JAK1: variants seen among roughly 807,000 people sequenced by gnomAD.
JAK1 encodes Janus kinase 1.
A neutral mutation model predicts 136.6 loss-of-function variants in JAK1; 16 were observed. The ratio of observed to expected loss-of-function variants is 0.12; its 90% CI spans 0.08 to 0.18. The LOEUF (loss-of-function observed/expected upper bound fraction) is 0.18. Among genes scored for constraint, JAK1 ranks in the 10% least tolerant of loss-of-function variants. JAK1 has a pLI of 1.00. For synonymous variants in JAK1, 492 were observed against 519.5 expected (o/e 0.95, Z 0.72); for missense variants, 859 against 1,450.1 (o/e 0.59, Z 6.62).
At chr1:65,030,427 T>C (rs1647012535) in intron 2 of JAK1, among the ~76,000 whole-genome samples, 1 of 152,120 alleles carries the variant, frequency 6.6e-6, no homozygotes, top group Non-Finnish European at 1.5e-5. Context: ...AAAAAGCCAA[T>C]TAATAAATGG....
intron 4 of JAK1, among the ~76,000 whole-genome samples, chr1:64,878,564 T>C (rs1644714878): frequency 3.3e-4 from 2 of 6,118 alleles, no homozygotes; most frequent in Non-Finnish European, 3.2e-4. Context: ...ATAGTGTGTA[T>C]ATATATATAT....
At chr1:65,020,333 G>A (rs1646928220) in intron 2 of JAK1, among the ~76,000 whole-genome samples, 1 of 150,862 alleles carries the variant, frequency 6.6e-6, no homozygotes, top group Non-Finnish European at 1.5e-5. Context: ...AACAGCCTAT[G>A]AGAACTCTCA....
chr1:64,929,703 C>T (rs1030912047), intron 1 of JAK1, among the ~76,000 whole-genome samples: 1 of 151,930 alleles, frequency 6.6e-6, no homozygotes, highest in East Asian at 1.9e-4. Context: ...GTTATGATAC[C>T]TACAAGTCTG....
At chr1:65,010,270 C>G (rs1356585565) in intron 2 of JAK1, among the ~76,000 whole-genome samples, 1 of 152,156 alleles carries the variant, frequency 6.6e-6, no homozygotes, top group Non-Finnish European at 1.5e-5. Context: ...CTGTGGCTTC[C>G]TGTTCTCTCT....
intron 5 of JAK1, among the ~76,000 whole-genome samples, 169 bp downstream of exon 5, chr1:64,873,201 T>G (rs1657179632): frequency 6.6e-6 from 1 of 152,242 alleles, no homozygotes; most frequent in Non-Finnish European, 1.5e-5. Context: ...GCTGAAATGC[T>G]GCCTTTTTTC....
At chr1:64,974,883 T>TTTTG (rs752493060) in intron 2 of JAK1, among the ~76,000 whole-genome samples, 1 of 151,914 alleles carries the variant, frequency 6.6e-6, no homozygotes, top group Non-Finnish European at 1.5e-5. Context: ...TTTGTTTTGT[T>TTTTG]TTTGTTTGTT....
intron 1 of JAK1, among the ~76,000 whole-genome samples, chr1:64,953,205 G>A (rs1429425648): frequency 1.3e-5 from 2 of 152,198 alleles, no homozygotes; most frequent in African/African-American, 4.8e-5. Flanking sequence ...AGTATTTGGG[G>A]TAGCAGTGGG....
chr1:64,927,403 A>G (rs888626088), intron 1 of JAK1, among the ~76,000 whole-genome samples: 1 of 152,212 alleles, frequency 6.6e-6, no homozygotes, highest in African/African-American at 2.4e-5. Flanking sequence ...GCCAAGGGAA[A>G]TGCTCAATAA....
rs781493829 is a variant in JAK1 at position 64,866,932 on chromosome 1, T to C, written c.924A>G (p.Gly308=). 7.6e-5 allele frequency: 123 copies of C among 1,614,124 alleles called. No individual in the cohort carries two copies. The highest frequency in any genetic ancestry group is 1.0e-4 in the Non-Finnish European group (121 of 1,180,050). Residue 308 remains glycine (G), a synonymous_variant, in exon 7 of 25, where the codon GGA becomes GGG. Transcript: ENST00000342505. The part of the protein sequence containing the change: ...EMNWFHSNDG[G]NVLYYEVMVT... ...CCATCACTTCGTAGTAGAGAACGTTTCCACCGTCATTCGAATGAAACCAAT... is the reference window on the plus strand; with the variant it reads ...CCATCACTTCGTAGTAGAGAACGTTCCCACCGTCATTCGAATGAAACCAAT...
chr1:64,961,362 A>T (rs1646279814), intron 1 of JAK1, among the ~76,000 whole-genome samples: 1 of 152,198 alleles, frequency 6.6e-6, no homozygotes, highest in African/African-American at 2.4e-5. Flanking sequence ...CACAATGGTC[A>T]GATGAAGCTC....
intron 1 of JAK1, among the ~76,000 whole-genome samples, chr1:64,953,487 A>C (rs905622076): frequency 6.6e-6 from 1 of 152,152 alleles, no homozygotes; most frequent in Non-Finnish European, 1.5e-5. Context: ...TAAACACAGG[A>C]CGTGTTATAT....
intron 4 of JAK1, among the ~76,000 whole-genome samples, chr1:64,877,115 A>G (rs1333980142): frequency 6.6e-6 from 1 of 152,238 alleles, no homozygotes; most frequent in Non-Finnish European, 1.5e-5. Flanking sequence ...GAGATACCTG[A>G]GGATAACTAT....
At chr1:64,870,104 C>A (rs1449896004) in intron 5 of JAK1, among the ~76,000 whole-genome samples, 1 of 152,222 alleles carries the variant, frequency 6.6e-6, no homozygotes, top group Non-Finnish European at 1.5e-5. Context: ...ACCAGCAGTG[C>A]CCAGCCCAGC....
intron 2 of JAK1, among the ~76,000 whole-genome samples, chr1:64,996,114 T>C (rs1646701799): frequency 6.6e-6 from 1 of 152,168 alleles, no homozygotes; most frequent in Admixed American, 6.5e-5. Context: ...TCACAAAACA[T>C]AATGCTTGGT....
intron 4 of JAK1, among the ~76,000 whole-genome samples, chr1:64,877,047 T>C (rs1419547825): frequency 6.6e-6 from 1 of 152,214 alleles, no homozygotes; most frequent in Admixed American, 6.5e-5. Flanking sequence ...TGCTAAGATA[T>C]ATATATAAGA....
intron 2 of JAK1, among the ~76,000 whole-genome samples, chr1:65,018,493 C>CACACACACAA (rs1553181618): frequency 2.1e-5 from 3 of 146,306 alleles, no homozygotes; most frequent in African/African-American, 7.9e-5. Context: ...AGAGAACACA[C>CACACACACAA]ACACACACAC....
intron 1 of JAK1, among the ~76,000 whole-genome samples, chr1:64,942,815 C>T (rs1645914342): frequency 6.6e-6 from 1 of 152,110 alleles, no homozygotes; most frequent in Non-Finnish European, 1.5e-5. Flanking sequence ...AAGAACCTCT[C>T]ATATTACAGG....
intron 2 of JAK1, chr1:64,990,919 C>CAAAAAAAAAAAAAAAAAAAAAAAAA (rs1173485942): frequency 1.1e-4 from 5 of 44,104 alleles, no homozygotes; most frequent in Non-Finnish European, 1.5e-4. Flanking sequence ...GACTCCGTCT[C>CAAAAAAAAAAAAAAAAAAAAAAAAA]AAAAAAAAAA....
At chr1:64,866,804 A>C in intron 7 of JAK1, 62 bp downstream of exon 7, 2 of 1,256,734 alleles carry the variant, frequency 1.6e-6, no homozygotes, top group Non-Finnish European at 1.1e-6. Context: ...CCAGAAGGAT[A>C]AACAGCATAC....
Sources: allele counts gnomAD v4.1 joint callset (sites outside exome capture counted in the v4.1 genomes callset), GRCh38; gene constraint gnomAD v4.1.1; transcripts MANE v1.5; gene names NCBI Gene and HGNC (gene_info 2026-07-23, HGNC 2026-07-21).